The following NRXN3 variants were observed in gnomAD, a reference collection of about 807,000 sequenced individuals.
NRXN3 encodes neurexin 3, also known as neurexin III.
A neutral mutation model predicts 137.6 loss-of-function variants in NRXN3; 32 were observed. The ratio of observed to expected loss-of-function variants is 0.23; its 90% confidence interval spans 0.18 to 0.31. The LOEUF is 0.31. NRXN3 is among the 10% of genes least tolerant of loss of function. The probability of loss-of-function intolerance (pLI) is 1.00; values close to 1 mark genes in which losing one functional copy is unlikely to be tolerated. For synonymous variants in NRXN3, 798 were observed against 784.5 expected, an observed-to-expected ratio of 1.02 and a Z score of -0.29; for missense variants, 1,574 against 2,062.5, an observed-to-expected ratio of 0.76 and a Z score of 4.59.
intron 4 of NRXN3, among the ~76,000 whole-genome samples, chr14:78,371,499 A>G (rs910590176): frequency 6.6e-6 from 1 of 152,202 alleles, no homozygotes; most frequent in Non-Finnish European, 1.5e-5. Context: ...AGAATTCAGG[A>G]TGCCCTGGAT....
intron 4 of NRXN3, among the ~76,000 whole-genome samples, chr14:78,484,614 G>A (rs1259639679): frequency 6.6e-6 from 1 of 152,126 alleles, no homozygotes; most frequent in East Asian, 1.9e-4. Flanking sequence ...AGTGGTACTG[G>A]AACATGGAGC....
Position 79,615,863 on chromosome 14 carries a change from A to G in NRXN3, c.3445-47915A>G, listed in dbSNP as rs78809452. On this transcript the variant is annotated intron_variant, in intron 16 of 20. Transcript: ENST00000335750. ...ATTTGGGTGGGGACACAGCCAAATC[A>G]TATCAATGTATTAAAACAGTTAATC... 0.021 allele frequency among the ~76,000 whole-genome samples: 3,148 copies of G among 152,292 alleles called. 177 individuals carry two copies. The East Asian group carries it at 0.22, about 11-fold the overall frequency.
chr14:79,094,344 C>G (rs1052079725), intron 15 of NRXN3, among the ~76,000 whole-genome samples: 1 of 152,160 alleles, frequency 6.6e-6, no homozygotes, highest in African/African-American at 2.4e-5. Context: ...GCAAGGACCA[C>G]AAAGCATAAG....
At chr14:79,201,619 T>C (rs2066024438) in intron 15 of NRXN3, 1 of 152,196 alleles carries the variant, frequency 6.6e-6, no homozygotes, top group Non-Finnish European at 1.5e-5. Context: ...TTAATAAAGA[T>C]GATTGAAAGA....
intron 15 of NRXN3, among the ~76,000 whole-genome samples, chr14:79,221,588 G>A (rs1010863632): frequency 2.0e-5 from 3 of 151,920 alleles, no homozygotes; most frequent in Admixed American, 2.0e-4. Flanking sequence ...CACCTACTTT[G>A]TGATGGGGTT....
At chr14:79,043,324 A>G (rs2099628050) in intron 15 of NRXN3, among the ~76,000 whole-genome samples, 1 of 152,174 alleles carries the variant, frequency 6.6e-6, no homozygotes, top group Admixed American at 6.5e-5. Flanking sequence ...AGTATCCACT[A>G]GATTTGAGAA....
At chr14:79,311,599 C>A (rs1483562271) in intron 15 of NRXN3, among the ~76,000 whole-genome samples, 11 of 124,606 alleles carry the variant, frequency 8.8e-5, no homozygotes, top group Non-Finnish European at 1.5e-4. Flanking sequence ...TTGATTATTG[C>A]CACAATTTCA....
chr14:79,686,478 A>G (rs1266167229), intron 17 of NRXN3, among the ~76,000 whole-genome samples: 1 of 152,146 alleles, frequency 6.6e-6, no homozygotes, highest in Non-Finnish European at 1.5e-5. Flanking sequence ...CCTAAGAATT[A>G]AAACAAATCA....
At chr14:79,320,945 C>G (rs534347509) in intron 15 of NRXN3, among the ~76,000 whole-genome samples, 1 of 151,754 alleles carries the variant, frequency 6.6e-6, no homozygotes, top group Non-Finnish European at 1.5e-5. Flanking sequence ...GTACTTGGTC[C>G]TTACTTGGTA....
chr14:79,035,889 A>C (rs2099615202), intron 15 of NRXN3, among the ~76,000 whole-genome samples: 1 of 152,110 alleles, frequency 6.6e-6, no homozygotes. Context: ...TACTTTATAA[A>C]CAAATATAAA....
intron 15 of NRXN3, among the ~76,000 whole-genome samples, chr14:79,017,275 C>A (rs1345863751): frequency 6.6e-6 from 1 of 151,762 alleles, no homozygotes; most frequent in Non-Finnish European, 1.5e-5. Flanking sequence ...ACTTTTCTAG[C>A]CCTGCCAAGC....
At chr14:78,526,629 T>C in intron 4 of NRXN3, 2 of 356,688 alleles carry the variant, frequency 5.6e-6, no homozygotes, top group South Asian at 4.7e-5. Flanking sequence ...GCATATCTGC[T>C]TTATCTGATA....
At chr14:78,665,101 G>A (rs967164727) in intron 6 of NRXN3, among the ~76,000 whole-genome samples, 5 of 152,118 alleles carry the variant, frequency 3.3e-5, no homozygotes, top group Non-Finnish European at 5.9e-5. Flanking sequence ...TTCACATTAC[G>A]GTTGAAGGAG....
At chr14:78,393,580 G>T (rs1257331600) in intron 4 of NRXN3, among the ~76,000 whole-genome samples, 2 of 151,808 alleles carry the variant, frequency 1.3e-5, no homozygotes, top group Non-Finnish European at 2.9e-5. Flanking sequence ...TTTCAATATT[G>T]CTTCAGGTAT....
intron 10 of NRXN3, among the ~76,000 whole-genome samples, chr14:78,858,266 G>T (rs1319549308): frequency 1.3e-5 from 2 of 152,060 alleles, no homozygotes; most frequent in Admixed American, 1.3e-4. Context: ...ACACCTGTCT[G>T]GGGAATTTAG....
At chr14:79,353,949 C>A (rs1252042059) in intron 15 of NRXN3, among the ~76,000 whole-genome samples, 1 of 152,096 alleles carries the variant, frequency 6.6e-6, no homozygotes, top group African/African-American at 2.4e-5. Flanking sequence ...GCAAATCTGA[C>A]ATGTTTTCAA....
chr14:78,226,238 C>G, intron 1 of NRXN3, among the ~76,000 whole-genome samples: 1 of 152,162 alleles, frequency 6.6e-6, no homozygotes, highest in South Asian at 2.1e-4. Flanking sequence ...CTTCTGACCT[C>G]GTGATCCACT....
rs148775649 is a variant in NRXN3 at position 78,610,991 on chromosome 14, G to A, written c.758-34129G>A. Among the ~76,000 whole-genome samples the A allele has an allele frequency of 1.7e-3, 260 of 152,190 alleles. 2 individuals are homozygous for A. The highest frequency in any genetic ancestry group is 5.7e-3 in the African/African-American group (235 of 41,534). On this transcript the variant is annotated intron_variant, in intron 4 of 20. Transcript: ENST00000335750. ...GTTCTCTCCTTTGTCATGTTCCCCT[G>A]CCCCTGGCCCTTGGCCTTCCTCTCA... is the stretch of plus-strand genomic sequence containing the variant.
chr14:79,014,174 C>T (rs1227304391), intron 15 of NRXN3, among the ~76,000 whole-genome samples: 9 of 152,126 alleles, frequency 5.9e-5, no homozygotes, highest in Admixed American at 5.9e-4. Context: ...AATTGCGTGT[C>T]ACAGGGATTT....
Sources: allele counts gnomAD v4.1 joint callset (sites outside exome capture counted in the v4.1 genomes callset), GRCh38; gene constraint gnomAD v4.1.1; transcripts MANE v1.5; gene names NCBI Gene and HGNC (gene_info 2026-07-23, HGNC 2026-07-21).